The following CPNE8 variants were observed in gnomAD, a reference collection of about 807,000 sequenced individuals.
The protein encoded by CPNE8 is copine-8.
CPNE8 carries 45 observed loss-of-function variants against 81.5 expected under a neutral mutation model. The ratio of observed to expected loss-of-function variants is 0.55; its 90% CI spans 0.44 to 0.71. The LOEUF (loss-of-function observed/expected upper bound fraction) is 0.71, where lower values mean the gene tolerates loss of function less well. Ranked by LOEUF, CPNE8 falls within the 30% of genes least tolerant of loss-of-function variation. CPNE8 has a pLI of 0.00. For synonymous variants in CPNE8, 252 were observed against 226.3 expected (o/e 1.11, Z -1.02); for missense variants, 594 against 672.1 (o/e 0.88, Z 1.28).
rs540860181 is a variant in CPNE8, at chr12:38,902,266, A to C, written c.98+3171T>G. Reference sequence around the variant, plus strand: ...GAAAGAAAGAAAGAAAAAAGAAAGAAAGAAAAAGAAAAGAAAGAAGGAAGG... The same window carrying C: ...GAAAGAAAGAAAGAAAAAAGAAAGACAGAAAAAGAAAAGAAAGAAGGAAGG... On this transcript the variant is annotated intron_variant, in intron 1 of 19. Transcript: ENST00000331366. Among the ~76,000 whole-genome samples, 47 of 47,490 alleles carry C rather than the reference A, an allele frequency of 9.9e-4. 5 individuals are homozygous for C. The highest frequency in any genetic ancestry group is 3.1e-3 in the African/African-American group (47 of 15,146). The allele number at this position is 47,490 out of a possible 152,430, so 31.2% of individuals were successfully genotyped here.
intron 1 of CPNE8, among the ~76,000 whole-genome samples, chr12:38,889,724 A>G (rs1944284018): frequency 6.6e-6 from 1 of 152,190 alleles, no homozygotes. Context: ...TGGAAGAGTC[A>G]AGGAACTTGT....
intron 10 of CPNE8, among the ~76,000 whole-genome samples, chr12:38,758,593 A>T (rs1941512133): frequency 6.6e-6 from 1 of 152,162 alleles, no homozygotes; most frequent in Admixed American, 6.6e-5. Context: ...TAGTTTTGCG[A>T]CTTTAGGCAA....
At chr12:38,661,261 T>A (rs1020062306) in intron 19 of CPNE8, among the ~76,000 whole-genome samples, 25 of 152,206 alleles carry the variant, frequency 1.6e-4, no homozygotes, top group South Asian at 2.1e-4. Flanking sequence ...ACATATACCA[T>A]GGAATACTAT....
rs17126261 is a variant in CPNE8 at position 38,731,880 on chromosome 12, G to T, written c.723-1522C>A. ...TTCTCTTTGACCTTCAAAAGTGCAAGTATATACTCATGATTTATTTCACTG... is the reference window on the plus strand; with the variant it reads ...TTCTCTTTGACCTTCAAAAGTGCAATTATATACTCATGATTTATTTCACTG... On this transcript the variant is annotated intron_variant, in intron 10 of 19. Coordinates refer to ENST00000331366, the MANE Select transcript of CPNE8 (RefSeq NM_153634.3). Among the ~76,000 whole-genome samples, 222 of 151,942 alleles carry T rather than the reference G, an allele frequency of 1.5e-3. 1 individual carries two copies. Among genetic ancestry groups the T allele is most frequent in the African/African-American group, 5.1e-3 (210 of 41,490 alleles).
At chr12:38,838,864 A>G (rs1390898658) in intron 5 of CPNE8, among the ~76,000 whole-genome samples, 1 of 151,994 alleles carries the variant, frequency 6.6e-6, no homozygotes, top group Non-Finnish European at 1.5e-5. Context: ...ATGCTCCCAG[A>G]TTTTCCAAAT....
chr12:38,732,616 T>C (rs1175496015), intron 10 of CPNE8, among the ~76,000 whole-genome samples: 2 of 151,962 alleles, frequency 1.3e-5, no homozygotes, highest in Admixed American at 1.3e-4. Context: ...CTTTCTCCTC[T>C]GCATTAGTGG....
At chr12:38,883,884 T>G (rs149854712) in intron 1 of CPNE8, among the ~76,000 whole-genome samples, 1,634 of 152,302 alleles carry the variant, frequency 0.011, 22 homozygotes, top group South Asian at 0.038. Flanking sequence ...GTCAGATAAG[T>G]GTAGAGAATT....
chr12:38,739,593 T>A (rs1251355490), intron 10 of CPNE8, among the ~76,000 whole-genome samples: 1 of 152,210 alleles, frequency 6.6e-6, no homozygotes, highest in Non-Finnish European at 1.5e-5. Flanking sequence ...TACCTTTGGG[T>A]TCTACTGACT....
chr12:38,706,797 G>A (rs905454432), intron 13 of CPNE8, among the ~76,000 whole-genome samples: 6 of 152,092 alleles, frequency 3.9e-5, no homozygotes, highest in African/African-American at 1.4e-4. Context: ...TGTGTTCACT[G>A]GGCAAATGGA....
At chr12:38,667,970 TGTA>T (rs1939096011) in intron 19 of CPNE8, among the ~76,000 whole-genome samples, 1 of 152,132 alleles carries the variant, frequency 6.6e-6, no homozygotes, top group East Asian at 1.9e-4. Context: ...GGTAATTTTT[TGTA>T]TTTTTAGTAG....
chr12:38,765,868 T>A (rs182315070), intron 8 of CPNE8, among the ~76,000 whole-genome samples: 34 of 152,274 alleles, frequency 2.2e-4, no homozygotes, highest in East Asian at 1.9e-3. Context: ...TTTTTATTTT[T>A]TTTTTTTAAG....
intron 11 of CPNE8, among the ~76,000 whole-genome samples, chr12:38,729,662 T>C (rs554001077): frequency 6.6e-6 from 1 of 152,174 alleles, no homozygotes; most frequent in African/African-American, 2.4e-5. Context: ...TCTCCTTTGG[T>C]ATCCACATAC....
At chr12:38,704,830 A>ATATATGTG (rs779179947) in intron 13 of CPNE8, among the ~76,000 whole-genome samples, 4,095 of 64,232 alleles carry the variant, frequency 0.064, 661 homozygotes, top group Non-Finnish European at 0.13. Context: ...GTATGTGTAT[A>ATATATGTG]TATATATATA....
chr12:38,868,442 A>G (rs748552590), intron 3 of CPNE8, among the ~76,000 whole-genome samples: 28 of 152,160 alleles, frequency 1.8e-4, no homozygotes, highest in Admixed American at 5.9e-4. Flanking sequence ...ATAGTGTTCA[A>G]TACTTAAAAG....
chr12:38,806,510 T>C (rs1289532876), intron 6 of CPNE8, among the ~76,000 whole-genome samples: 1 of 150,286 alleles, frequency 6.7e-6, no homozygotes, highest in Non-Finnish European at 1.5e-5. Flanking sequence ...ACCACATGAT[T>C]ATCTCAATAA....
intron 19 of CPNE8, among the ~76,000 whole-genome samples, chr12:38,659,215 T>C: frequency 1.2e-5 from 1 of 81,670 alleles, no homozygotes; most frequent in East Asian, 2.4e-4. Flanking sequence ...ACCAAGCAAA[T>C]GGAAAGAAAA....
Position 38,801,006 on chromosome 12 carries a change from G to A in CPNE8, c.408-24705C>T, listed in dbSNP as rs546338927. Among the ~76,000 whole-genome samples, 112 of 150,666 alleles carry A rather than the reference G, an allele frequency of 7.4e-4. No individual in the cohort carries two copies. The East Asian group carries it at 0.019, about 25-fold the overall frequency. On this transcript the variant is annotated intron_variant, in intron 6 of 19. Transcript: ENST00000331366. ...AAGCCTCCAAGAAATATGGGACTAC[G>A]TGAAAAGACCACATCTACGTCTGAT...
At chr12:38,807,782 C>T (rs1340082032) in intron 6 of CPNE8, among the ~76,000 whole-genome samples, 2 of 151,584 alleles carry the variant, frequency 1.3e-5, no homozygotes, top group African/African-American at 2.4e-5. Context: ...AGCTTCTGCA[C>T]AGCAAAAGAA....
rs1406561446 is a variant in CPNE8 at position 38,670,786 on chromosome 12, A to G, written c.1449T>C (p.Asp483=). The change falls in exon 19 of 20, where the codon GAT becomes GAC. Residue 483 remains aspartate, a synonymous_variant. Transcript: ENST00000331366. The part of the protein sequence containing the change: ...PAEFDAMVEL[D]GDDVRVSSRG... ...TAGAGGAGACTCTTACATCATCTCC[A>G]TCCAATTCGACCATTGCTTTAAGAG... The G allele has an allele frequency of 6.2e-7, 1 of 1,607,324 alleles. No homozygotes were observed.
Sources: allele counts gnomAD v4.1 joint callset (sites outside exome capture counted in the v4.1 genomes callset), GRCh38; gene constraint gnomAD v4.1.1; transcripts MANE v1.5; gene names NCBI Gene and HGNC (gene_info 2026-07-23, HGNC 2026-07-21).